KANSL1L: variants seen among roughly 807,000 people sequenced by gnomAD.
KANSL1L encodes KAT8 regulatory NSL complex subunit 1-like protein.
KANSL1L carries 25 observed loss-of-function variants against 108.6 expected under a neutral mutation model. The observed-to-expected ratio is 0.23, with a 90% CI of 0.17 to 0.32. The LOEUF is 0.32. KANSL1L is among the 10% of genes least tolerant of loss of function. The pLI, the probability that KANSL1L is intolerant of heterozygous loss-of-function variation, is 1.00. For synonymous variants in KANSL1L, 405 were observed against 395.1 expected (o/e 1.03, Z -0.30); for missense variants, 1,137 against 1,125.7 (o/e 1.01, Z -0.14).
intron 11 of KANSL1L, 143 bp from the exon 12 acceptor site, chr2:210,027,493 AGAAAAACATTTGT>A: frequency 1.6e-6 from 1 of 613,022 alleles, no homozygotes; most frequent in Non-Finnish European, 2.9e-6. Flanking sequence ...ATTTTTTAAA[AGAAAAACATTTGT>A]ATTATGAGAA....
intron 6 of KANSL1L, among the ~76,000 whole-genome samples, chr2:210,058,576 G>A (rs2094382896): frequency 6.6e-6 from 1 of 152,126 alleles, no homozygotes; most frequent in Non-Finnish European, 1.5e-5. Flanking sequence ...GCTCATGCCT[G>A]TAATCCCAGC....
intron 2 of KANSL1L, among the ~76,000 whole-genome samples, chr2:210,147,595 G>A (rs1339642543): frequency 6.6e-6 from 1 of 152,090 alleles, no homozygotes; most frequent in Non-Finnish European, 1.5e-5. Flanking sequence ...AGTATAATTT[G>A]CAAATTCCCT....
chr2:210,169,150 A>AC (rs539512997), intron 1 of KANSL1L, among the ~76,000 whole-genome samples: 66 of 152,258 alleles, frequency 4.3e-4, no homozygotes, highest in East Asian at 4.2e-3. Context: ...AGCCTTAAAA[A>AC]ACACACACAC....
intron 3 of KANSL1L, among the ~76,000 whole-genome samples, chr2:210,118,923 A>C (rs2094985605): frequency 6.6e-6 from 1 of 152,058 alleles, no homozygotes; most frequent in Admixed American, 6.6e-5. Context: ...TAATCCCAAC[A>C]CTTAGGGAGG....
intron 1 of KANSL1L, among the ~76,000 whole-genome samples, chr2:210,155,761 C>A (rs2095329719): frequency 6.6e-6 from 1 of 152,090 alleles, no homozygotes; most frequent in African/African-American, 2.4e-5. Flanking sequence ...ATGTCATTAA[C>A]AATTATAAGC....
intron 2 of KANSL1L, among the ~76,000 whole-genome samples, chr2:210,129,379 AT>A (rs2095098969): frequency 6.6e-6 from 1 of 152,198 alleles, no homozygotes; most frequent in Admixed American, 6.6e-5. Flanking sequence ...ACCTGTTTTC[AT>A]TAAATATTAC....
intron 2 of KANSL1L, chr2:210,153,196 A>G (rs2095314279): frequency 4.7e-6 from 1 of 214,418 alleles, no homozygotes; most frequent in African/African-American, 2.3e-5. Flanking sequence ...TCTACGAAAA[A>G]TACAAAAATT....
intron 3 of KANSL1L, among the ~76,000 whole-genome samples, chr2:210,109,843 C>A (rs1362714866): frequency 6.6e-6 from 1 of 151,768 alleles, no homozygotes; most frequent in Non-Finnish European, 1.5e-5. Context: ...TATAAAGCTT[C>A]TTTCTTTTAT....
chr2:210,079,289 G>A (rs1458444546), intron 5 of KANSL1L, among the ~76,000 whole-genome samples: 1 of 151,970 alleles, frequency 6.6e-6, no homozygotes, highest in Non-Finnish European at 1.5e-5. Flanking sequence ...TATTGTTGTA[G>A]AATAATTATC....
chr2:210,037,139 T>A (rs576856866), intron 8 of KANSL1L, among the ~76,000 whole-genome samples: 51 of 152,320 alleles, frequency 3.3e-4, no homozygotes, highest in Middle Eastern at 3.4e-3. Context: ...TATTTTCATA[T>A]TTGCATACTC....
At chr2:210,172,105 T>C (rs560174642), upstream of KANSL1L, among the ~76,000 whole-genome samples, 22 of 152,174 alleles carry the variant, frequency 1.4e-4, 2 homozygotes, top group South Asian at 1.7e-3. Flanking sequence ...AAACGGAGTT[T>C]ATGTGGAGAT....
intron 3 of KANSL1L, among the ~76,000 whole-genome samples, chr2:210,113,649 A>C (rs79980120): frequency 6.6e-6 from 1 of 152,182 alleles, no homozygotes; most frequent in African/African-American, 2.4e-5. Context: ...ACTGTCTTAA[A>C]GATGCACAAA....
At chr2:210,076,577 T>A (rs967691057) in intron 5 of KANSL1L, among the ~76,000 whole-genome samples, 30 of 152,086 alleles carry the variant, frequency 2.0e-4, no homozygotes, top group African/African-American at 3.9e-4. Context: ...TAGCATTTTT[T>A]AAAAATTTCC....
chr2:210,122,882 CAT>C (rs2095034022), intron 3 of KANSL1L, among the ~76,000 whole-genome samples: 1 of 151,730 alleles, frequency 6.6e-6, no homozygotes, highest in Non-Finnish European at 1.5e-5. Flanking sequence ...ATAGGGAAAA[CAT>C]ATGAATAGAC....
chr2:210,032,406 G>T (rs2125143994), intron 8 of KANSL1L: 1 of 152,312 alleles, frequency 6.6e-6, no homozygotes, highest in East Asian at 1.9e-4. Context: ...ATCTCTAAAA[G>T]ACTAATACTA....
At position 210,141,854 on chromosome 2, in the gene KANSL1L, T is replaced by C. The variant is rs191820863; in HGVS notation, c.1088+11641A>G. Among the ~76,000 whole-genome samples, 323 of 152,350 alleles carry C rather than the reference T, an allele frequency of 2.1e-3. 1 individual carries two copies. Among genetic ancestry groups the C allele is most frequent in the Non-Finnish European group, 3.5e-3 (237 of 68,030 alleles). On this transcript the variant is annotated intron_variant, in intron 2 of 14. Transcript: ENST00000281772. ...CTGTTAATGTGGTGTATCCTACTTA[T>C]TGATTTGTATATGTGGAACCATCCT...
rs781159034 is a variant in KANSL1L, at chr2:210,075,618, C to T, written c.1689G>A (p.Arg563=). 5 of 1,614,008 alleles carry T rather than the reference C, an allele frequency of 3.1e-6. No individual in the cohort carries two copies. The South Asian group carries it at 5.5e-5, about 18-fold the overall frequency. ...LTFMSTSART[R]PLQSFHKRKL... ...TTCGTTTGTGGAAACTCTGAAGTGG[C>T]CTTGTTCGGGCTGATGTACTCATGA... The change falls in exon 6 of 15, where the codon AGG becomes AGA. Residue 563 remains arginine, a synonymous_variant. Transcript: ENST00000281772.
chr2:210,073,356 CA>C (rs1278508307), intron 6 of KANSL1L, among the ~76,000 whole-genome samples: 2 of 151,894 alleles, frequency 1.3e-5, no homozygotes, highest in Non-Finnish European at 2.9e-5. Flanking sequence ...AGTTTGGTAG[CA>C]ATTACCCATG....
intron 6 of KANSL1L, among the ~76,000 whole-genome samples, chr2:210,065,361 G>A (rs775750773): frequency 6.9e-6 from 1 of 145,750 alleles, no homozygotes; most frequent in Middle Eastern, 3.5e-3. Flanking sequence ...AACAGAGCCA[G>A]TACTTCCCCA....
Sources: allele counts gnomAD v4.1 joint callset (sites outside exome capture counted in the v4.1 genomes callset), GRCh38; gene constraint gnomAD v4.1.1; transcripts MANE v1.5; gene names NCBI Gene and HGNC (gene_info 2026-07-23, HGNC 2026-07-21).